CD109: variants seen among roughly 807,000 people sequenced by gnomAD.
The protein encoded by CD109 is CD109 antigen.
In CD109, 149 loss-of-function variants were observed where a neutral mutation model predicts 165.8. The observed-to-expected ratio is 0.90, with a 90% CI of 0.79 to 1.03. The LOEUF (loss-of-function observed/expected upper bound fraction) is 1.03. Ranked by LOEUF, CD109 falls within the 50% of genes least tolerant of loss-of-function variation. The pLI is 0.00. For missense variants in CD109, 1,712 were observed against 1,677.8 expected, an observed-to-expected ratio of 1.02 and a Z score of -0.36; for synonymous variants, 585 against 592.1, an observed-to-expected ratio of 0.99 and a Z score of 0.18.
intron 31 of CD109, among the ~76,000 whole-genome samples, chr6:73,819,985 G>A (rs2917893): frequency 0.56 from 85,079 of 151,712 alleles, 24,199 homozygotes; most frequent in African/African-American, 0.66. Context: ...GGCCAAATCT[G>A]TCTCTCTTGG....
At chr6:73,729,194 A>G (rs965038185) in intron 3 of CD109, among the ~76,000 whole-genome samples, 5 of 152,236 alleles carry the variant, frequency 3.3e-5, no homozygotes, top group African/African-American at 1.2e-4. Context: ...GAGAGACAAC[A>G]GGGAAGAAGG....
chr6:73,798,477 G>A (rs934697741), intron 23 of CD109, among the ~76,000 whole-genome samples: 3 of 152,124 alleles, frequency 2.0e-5, no homozygotes, highest in Non-Finnish European at 4.4e-5. Context: ...GGACAGTCGA[G>A]GGATCCACAA....
At chr6:73,735,086 T>G (rs537369754) in intron 4 of CD109, among the ~76,000 whole-genome samples, 1 of 152,266 alleles carries the variant, frequency 6.6e-6, no homozygotes, top group East Asian at 1.9e-4. Flanking sequence ...GAGACCTACA[T>G]GCATGGGCTT....
At chr6:73,693,402 C>G (rs1029040500), upstream of CD109, among the ~76,000 whole-genome samples, 1 of 152,202 alleles carries the variant, frequency 6.6e-6, no homozygotes, top group Non-Finnish European at 1.5e-5. Context: ...GGAGGACATT[C>G]ATCTATTCAT....
At position 73,766,034 on chromosome 6, in the gene CD109, A is replaced by G. The variant is rs748350952; in HGVS notation, c.1212A>G (p.Gly404=). The G allele has an allele frequency of 3.7e-6, 6 of 1,613,934 alleles. No individual in the cohort carries two copies. In the South Asian group the frequency reaches 6.6e-5, roughly 18 times the overall value. The part of the protein sequence containing the change: ...TQRNYTEYWS[G]SNSGNQKMEA... ...GAAACTATACTGAGTACTGGAGCGG[A>G]TCTAACAGTGGAAATCAGAAAATGG... Residue 404 remains glycine, a synonymous_variant, in exon 11 of 33, where the codon GGA becomes GGG. Coordinates refer to ENST00000287097, the MANE Select transcript of CD109 (RefSeq NM_133493.5).
At position 73,758,062 on chromosome 6, in the gene CD109, G is replaced by A. The variant is rs149134447; in HGVS notation, c.674-882G>A. On this transcript the variant is annotated intron_variant, in intron 6 of 32. Transcript: ENST00000287097. The stretch of plus-strand genomic sequence containing the variant: ...TCTTGGTGGTGGGGGTTGCGGGGGC[G>A]GGGTCATAGTTGACTCACGTGACTT... Among the ~76,000 whole-genome samples, 509 of 152,062 alleles carry A rather than the reference G, an allele frequency of 3.3e-3. 2 individuals are homozygous for A. The highest frequency in any genetic ancestry group is 3.6e-3 in the African/African-American group (151 of 41,462).
chr6:73,759,425 C>G (rs1773527320), intron 7 of CD109, among the ~76,000 whole-genome samples: 1 of 151,968 alleles, frequency 6.6e-6, no homozygotes, highest in South Asian at 2.1e-4. Flanking sequence ...ATACTCCTGC[C>G]TTGGTCTCCT....
chr6:73,770,298 GC>G (rs1773988958), intron 14 of CD109, among the ~76,000 whole-genome samples: 1 of 152,184 alleles, frequency 6.6e-6, no homozygotes, highest in Non-Finnish European at 1.5e-5. Flanking sequence ...TAAAATAAAT[GC>G]TCTAAGAAAA....
At chr6:73,811,360 G>A (rs1775754136) in intron 28 of CD109, among the ~76,000 whole-genome samples, 1 of 152,112 alleles carries the variant, frequency 6.6e-6, no homozygotes, top group Non-Finnish European at 1.5e-5. Context: ...GAAAACACGG[G>A]CACTGTAACA....
intron 2 of CD109, among the ~76,000 whole-genome samples, chr6:73,718,419 T>C (rs978423166): frequency 6.6e-6 from 1 of 152,158 alleles, no homozygotes; most frequent in Non-Finnish European, 1.5e-5. Flanking sequence ...TTGAGGTGTG[T>C]TCCTTCTATA....
chr6:73,696,566 T>A (rs1008796383), intron 1 of CD109, among the ~76,000 whole-genome samples: 1 of 152,246 alleles, frequency 6.6e-6, no homozygotes, highest in African/African-American at 2.4e-5. Flanking sequence ...TTATTTTTAG[T>A]CCACATTGCC....
intron 2 of CD109, among the ~76,000 whole-genome samples, chr6:73,706,128 G>C (rs1223857565): frequency 6.6e-6 from 1 of 152,076 alleles, no homozygotes; most frequent in Admixed American, 6.6e-5. Context: ...ATATTTTGAG[G>C]TATGAAATTG....
In CD109 at chr6:73,796,445, G is replaced by A. The variant is rs551365717; in HGVS notation, c.2878+3643G>A. Among the ~76,000 whole-genome samples, 6 of 152,270 alleles carry A rather than the reference G, an allele frequency of 3.9e-5. No homozygotes were observed. The South Asian group carries it at 8.3e-4, about 21-fold the overall frequency. ...TGCTCCTTTTCATCATTCAGTTGAT[G>A]TTTGCCTCAGAGTGGCCTTCCCTGA... On this transcript the variant is annotated intron_variant, in intron 23 of 32. Transcript: ENST00000287097.
At chr6:73,785,646 T>C (rs149974497) in intron 20 of CD109, among the ~76,000 whole-genome samples, 169 bp downstream of exon 20, 3 of 152,324 alleles carry the variant, frequency 2.0e-5, no homozygotes, top group Admixed American at 6.5e-5. Context: ...TGCTAATTAA[T>C]GTCTAAGGAT....
chr6:73,726,301 G>C (rs1772140723), intron 3 of CD109, among the ~76,000 whole-genome samples: 1 of 151,888 alleles, frequency 6.6e-6, no homozygotes, highest in Non-Finnish European at 1.5e-5. Flanking sequence ...CCAATATGAA[G>C]TAAATAAAAA....
chr6:73,692,558 AT>A (rs1388607856), upstream of CD109, among the ~76,000 whole-genome samples: 2 of 152,102 alleles, frequency 1.3e-5, no homozygotes, highest in Admixed American at 6.5e-5. Context: ...AATACACTTT[AT>A]TTTTTATAAA....
chr6:73,778,538 G>C (rs1438179394), intron 15 of CD109, among the ~76,000 whole-genome samples: 4 of 152,208 alleles, frequency 2.6e-5, no homozygotes, highest in Non-Finnish European at 4.4e-5. Context: ...AAGAGCGGAA[G>C]CAAATCTTCA....
Position 73,771,571 on chromosome 6 carries a change from C to A in CD109, c.1817C>A (p.Thr606Lys). 1 of 1,563,500 alleles carries A rather than the reference C, an allele frequency of 6.4e-7. No homozygotes were observed. Among genetic ancestry groups the A allele is most frequent in the Non-Finnish European group, 8.6e-7 (1 of 1,158,484 alleles). Residue 606 changes from threonine (T) to lysine (K), a missense_variant, in exon 15 of 33, where the codon ACA (threonine) becomes AAA (lysine). Thr to Lys is a moderately conservative substitution (Grantham distance 78). Transcript: ENST00000287097. ...CTGATGAATGCCTCTAATGATATTA[C>A]AATGGAAAATGTGAGTTTAGCTATT... ...VNLMNASNDITMENVVHELEL... is the reference protein window; with the variant it reads ...VNLMNASNDIKMENVVHELEL...
At chr6:73,773,156 G>A (rs1002049869) in intron 15 of CD109, among the ~76,000 whole-genome samples, 13 of 150,032 alleles carry the variant, frequency 8.7e-5, no homozygotes, top group South Asian at 8.3e-4. Flanking sequence ...GATGTGCTGC[G>A]CACTCTGTCT....
Sources: gnomAD v4.1 joint callset for allele counts (sites outside exome capture counted in the v4.1 genomes callset) on GRCh38, gnomAD v4.1.1 for gene constraint, MANE v1.5 for transcripts, NCBI Gene and HGNC (gene_info 2026-07-23, HGNC 2026-07-21) for gene names.